MAP3K20: variants seen among roughly 807,000 people sequenced by gnomAD.
MAP3K20 encodes mitogen-activated protein kinase kinase kinase 20, also known as HCCS-4.
Under a neutral mutation model 85.7 loss-of-function variants are expected in MAP3K20, and 40 were observed. The ratio of observed to expected loss-of-function variants is 0.47; its 90% confidence interval spans 0.36 to 0.61. The LOEUF (loss-of-function observed/expected upper bound fraction) is 0.61. Ranked by LOEUF, MAP3K20 falls within the 20% of genes least tolerant of loss-of-function variation. The pLI is 0.00. For missense variants in MAP3K20, 817 were observed against 961.7 expected (o/e 0.85, Z 1.99); for synonymous variants, 325 against 327.7 (o/e 0.99, Z 0.09).
chr2:173,144,559 G>C (rs1448869405), intron 2 of MAP3K20, among the ~76,000 whole-genome samples: 14 of 48,076 alleles, frequency 2.9e-4, no homozygotes, highest in Non-Finnish European at 2.9e-4. Context: ...AGCTGGGAGT[G>C]GGGGGGCATG....
At chr2:173,141,108 AC>A (rs1688958844) in intron 2 of MAP3K20, among the ~76,000 whole-genome samples, 1 of 152,180 alleles carries the variant, frequency 6.6e-6, no homozygotes, top group Admixed American at 6.5e-5. Flanking sequence ...ATACTGAGGC[AC>A]TTTTTTATGT....
intron 16 of MAP3K20, among the ~76,000 whole-genome samples, chr2:173,239,989 G>A (rs1307739292): frequency 6.6e-6 from 1 of 152,140 alleles, no homozygotes. Context: ...AAAATTATTT[G>A]GCCTAGGTAG....
intron 11 of MAP3K20, chr2:173,223,892 C>T (rs1684318522): frequency 2.0e-6 from 2 of 985,336 alleles, no homozygotes; most frequent in South Asian, 9.4e-5. Flanking sequence ...TCCTGTCTTT[C>T]CAGCATGCCC....
intron 2 of MAP3K20, among the ~76,000 whole-genome samples, chr2:173,169,474 A>C (rs1689937296): frequency 6.6e-6 from 1 of 152,094 alleles, no homozygotes; most frequent in Non-Finnish European, 1.5e-5. Context: ...TAATCCCAGC[A>C]CTTTCGGAGG....
chr2:173,204,122 GTTTTT>G (rs1450429527), intron 9 of MAP3K20, among the ~76,000 whole-genome samples: 1 of 152,088 alleles, frequency 6.6e-6, no homozygotes, highest in East Asian at 1.9e-4. Flanking sequence ...TTATTATTTT[GTTTTT>G]AATTTTTAGT....
intron 4 of MAP3K20, among the ~76,000 whole-genome samples, chr2:173,183,570 A>AGCAATTCAAACTTCATTTATTTTTATCT (rs1319242706): frequency 7.9e-5 from 12 of 152,136 alleles, no homozygotes; most frequent in African/African-American, 2.9e-4. Flanking sequence ...TGCTTTCTAA[A>AGCAATTCAAACTTCATTTATTTTTATCT]GCAATTCAAA....
chr2:173,079,843 A>G (rs1371915989), intron 1 of MAP3K20, among the ~76,000 whole-genome samples: 1 of 151,436 alleles, frequency 6.6e-6, no homozygotes, highest in Non-Finnish European at 1.5e-5. Flanking sequence ...AGTGATAACA[A>G]TGCCTTCTTC....
intron 17 of MAP3K20, 46 bp downstream of exon 17, chr2:173,258,861 A>G (rs1303873332): frequency 6.4e-6 from 8 of 1,244,472 alleles, no homozygotes; most frequent in African/African-American, 1.5e-5. Flanking sequence ...ATTCACAGAT[A>G]TCAAACAAAG....
intron 2 of MAP3K20, among the ~76,000 whole-genome samples, chr2:173,165,223 A>G (rs1288466929): frequency 6.6e-6 from 1 of 152,004 alleles, no homozygotes; most frequent in Non-Finnish European, 1.5e-5. Context: ...AGCCTGGCCA[A>G]CATGGTGAAA....
intron 3 of MAP3K20, among the ~76,000 whole-genome samples, chr2:173,177,004 A>G (rs780755598): frequency 1.5e-4 from 23 of 152,350 alleles, no homozygotes; most frequent in Admixed American, 9.8e-4. Context: ...AGACATAGCA[A>G]TTGGAAATGT....
intron 2 of MAP3K20, among the ~76,000 whole-genome samples, chr2:173,142,339 G>A (rs983725992): frequency 6.6e-6 from 1 of 152,106 alleles, no homozygotes; most frequent in Non-Finnish European, 1.5e-5. Flanking sequence ...CGGCGTGGTG[G>A]TGGGTGCCTG....
At chr2:173,138,989 C>A (rs1285489201) in intron 2 of MAP3K20, among the ~76,000 whole-genome samples, 1 of 151,874 alleles carries the variant, frequency 6.6e-6, no homozygotes, top group South Asian at 2.1e-4. Context: ...TTCAATCATA[C>A]TCACCATTCA....
intron 2 of MAP3K20, among the ~76,000 whole-genome samples, chr2:173,162,088 C>T (rs538498827): frequency 1.3e-5 from 2 of 150,494 alleles, no homozygotes; most frequent in Non-Finnish European, 3.0e-5. Context: ...AAAAAAATTA[C>T]GATCCCTATT....
At chr2:173,128,327 A>ATTTC (rs1688506456) in intron 2 of MAP3K20, among the ~76,000 whole-genome samples, 1 of 150,712 alleles carries the variant, frequency 6.6e-6, no homozygotes, top group South Asian at 2.1e-4. Context: ...TTATTTATTT[A>ATTTC]TTTATTTATT....
chr2:173,200,223 G>A (rs1691002670), intron 8 of MAP3K20, among the ~76,000 whole-genome samples: 1 of 152,130 alleles, frequency 6.6e-6, no homozygotes, highest in South Asian at 2.1e-4. Context: ...TTCAATGTAA[G>A]TTTCAACATC....
intron 9 of MAP3K20, among the ~76,000 whole-genome samples, chr2:173,208,794 A>G (rs1331900554): frequency 1.3e-5 from 2 of 152,220 alleles, no homozygotes; most frequent in African/African-American, 4.8e-5. Context: ...AATTGCTGCA[A>G]CTATAATTTG....
Position 173,198,121 on chromosome 2 carries a change from A to G in MAP3K20, c.669+9A>G, listed in dbSNP as rs746659802. ...TAGTGGAAAAAAACGAGGTAAGACT[A>G]CGTTTCTCCATTCAGGTACATAGAT... is the stretch of plus-strand genomic sequence containing the variant. On this transcript the variant is annotated intron_variant, in intron 8 of 19. Coordinates refer to ENST00000375213, the MANE Select transcript of MAP3K20 (RefSeq NM_016653.3). This position sits in a 1 kb window ranked among gnomAD's most constrained non-coding sequence, Gnocchi z 5.8. 1.2e-5 allele frequency: 19 copies of G among 1,609,866 alleles called. No individual in the cohort carries two copies. Among genetic ancestry groups the G allele is most frequent in the East Asian group, 6.7e-5 (3 of 44,726 alleles).
intron 2 of MAP3K20, among the ~76,000 whole-genome samples, chr2:173,103,289 G>C (rs571620370): frequency 1.3e-5 from 2 of 152,088 alleles, no homozygotes; most frequent in Non-Finnish European, 2.9e-5. Flanking sequence ...AAAACCTTAT[G>C]TGCAAAGAAG....
chr2:173,190,809 A>T (rs1474780052), intron 5 of MAP3K20, 86 bp from the exon 6 acceptor site: 1 of 1,226,086 alleles, frequency 8.2e-7, no homozygotes, highest in Non-Finnish European at 1.2e-6. Flanking sequence ...TTGAAGACAG[A>T]AATAGAAGTT....
Sources: gnomAD v4.1 joint callset for allele counts (sites outside exome capture counted in the v4.1 genomes callset) on GRCh38, gnomAD v4.1.1 for gene constraint, Gnocchi (gnomAD v3.1) non-coding constraint, MANE v1.5 for transcripts, NCBI Gene and HGNC (gene_info 2026-07-23, HGNC 2026-07-21) for gene names.